Variants in SIPA1L2 observed in about 807,000 individuals in gnomAD.
SIPA1L2 encodes signal induced proliferation associated 1 like 2.
Under a neutral mutation model 163.9 loss-of-function variants are expected in SIPA1L2, and 56 were observed. The ratio of observed to expected loss-of-function variants is 0.34; its 90% confidence interval spans 0.28 to 0.43. The LOEUF is 0.43. Ranked by LOEUF, SIPA1L2 falls within the 20% of genes least tolerant of loss-of-function variation. SIPA1L2 has a pLI of 1.00. For synonymous variants in SIPA1L2, 877 were observed against 865.7 expected (o/e 1.01, Z -0.23); for missense variants, 1,974 against 2,193.5 (o/e 0.90, Z 2.00).
intron 3 of SIPA1L2, among the ~76,000 whole-genome samples, chr1:232,508,475 G>A (rs1405762184): frequency 6.6e-6 from 1 of 152,222 alleles, no homozygotes; most frequent in Non-Finnish European, 1.5e-5. Context: ...TGGCCCCACT[G>A]TTGGTGGCAG....
At chr1:232,439,524 C>A in intron 14 of SIPA1L2, 28 bp from the exon 15 acceptor site, 1 of 1,590,024 alleles carries the variant, frequency 6.3e-7, no homozygotes, top group South Asian at 1.1e-5. Flanking sequence ...ACAGAGAGTT[C>A]TCAAGTGAAT....
chr1:232,416,551 G>A (rs987377097), intron 18 of SIPA1L2, among the ~76,000 whole-genome samples: 2 of 152,180 alleles, frequency 1.3e-5, no homozygotes, highest in Non-Finnish European at 2.9e-5. Flanking sequence ...TTACGTTGCT[G>A]TAAGAAGTAT....
intron 5 of SIPA1L2, among the ~76,000 whole-genome samples, chr1:232,490,180 C>CCACCT (rs747929074): frequency 6.6e-6 from 1 of 152,106 alleles, no homozygotes; most frequent in Non-Finnish European, 1.5e-5. Flanking sequence ...CTACCCCACC[C>CCACCT]CACCTCACCA....
At chr1:232,490,666 A>AC in intron 5 of SIPA1L2, 1 of 496,458 alleles carries the variant, frequency 2.0e-6, no homozygotes, top group East Asian at 3.5e-5. Context: ...AACAAAAAAA[A>AC]ATCACAACTC....
intron 3 of SIPA1L2, among the ~76,000 whole-genome samples, chr1:232,496,811 C>T (rs749554054): frequency 1.3e-5 from 2 of 152,068 alleles, no homozygotes; most frequent in Non-Finnish European, 2.9e-5. Context: ...GCATCATAAG[C>T]CAAATGCATT....
Position 232,439,185 on chromosome 1 carries a change from G to A in SIPA1L2, c.3954C>T (p.Gly1318=). 6.2e-7 allele frequency: 1 copy of A among 1,613,730 alleles called. No homozygotes were observed. The highest frequency in any genetic ancestry group is 8.5e-7 in the Non-Finnish European group (1 of 1,180,038). The change falls in exon 15 of 23, where the codon GGC becomes GGT. Residue 1318 remains glycine (G), a synonymous_variant. Transcript: ENST00000674635. ...DEPAKLYSVH[G]YASTISAGSA... ...TGCCGGCGGAGATGGTGGACGCGTA[G>A]CCATGCACAGAATATAACTTGGCTG... is the stretch of plus-strand genomic sequence containing the variant.
rs369795301 is a variant in SIPA1L2, at chr1:232,464,875, C to A, written c.2785G>T (p.Ala929Ser). ...CVLLSSVDNC[A>S]EDIREIVQRL... ...TGAACAATTTCCCTGATGTCTTCAG[C>A]ACAGTTGTCTACCGAGGACAGGAGG... The change falls in exon 9 of 23, where the codon GCT becomes TCT. Residue 929 changes from alanine to serine, a missense_variant. Transcript: ENST00000674635. 9 of 1,612,504 alleles carry A rather than the reference C, an allele frequency of 5.6e-6. No individual in the cohort carries two copies. In the East Asian group the frequency reaches 1.1e-4, roughly 20 times the overall value.
intron 3 of SIPA1L2, among the ~76,000 whole-genome samples, chr1:232,496,306 G>A (rs1666187603): frequency 6.6e-6 from 1 of 152,186 alleles, no homozygotes; most frequent in Admixed American, 6.5e-5. Flanking sequence ...TTGTAGCCTA[G>A]GAGTAATATG....
intron 2 of SIPA1L2, among the ~76,000 whole-genome samples, chr1:232,555,063 A>T (rs1658620098): frequency 6.6e-6 from 1 of 152,222 alleles, no homozygotes; most frequent in African/African-American, 2.4e-5. Context: ...TTTTACTTTA[A>T]AATCAGTTAC....
intron 7 of SIPA1L2, among the ~76,000 whole-genome samples, chr1:232,475,980 C>T (rs541284629): frequency 1.3e-5 from 2 of 152,270 alleles, no homozygotes; most frequent in East Asian, 3.9e-4. Flanking sequence ...TAAAGCTACT[C>T]ATGGAAAGCT....
intron 19 of SIPA1L2, among the ~76,000 whole-genome samples, chr1:232,407,237 G>A (rs1178088618): frequency 6.6e-6 from 1 of 152,070 alleles, no homozygotes; most frequent in East Asian, 1.9e-4. Flanking sequence ...ATTTGACTTT[G>A]CATTTTTCAC....
chr1:232,629,113 A>G lies in SIPA1L2; in HGVS notation c.-319+756T>C, dbSNP rs527507769. Among the ~76,000 whole-genome samples, 5 of 152,378 alleles carry G rather than the reference A, an allele frequency of 3.3e-5. No homozygotes were observed. In the East Asian group the frequency reaches 9.6e-4, roughly 29 times the overall value. On this transcript the variant is annotated intron_variant, in intron 1 of 22. Coordinates refer to ENST00000674635, the MANE Select transcript of SIPA1L2 (RefSeq NM_020808.5). Reference sequence around the variant, plus strand: ...GAATTAATTTAACTCAAGCAGGTTAATGATGACAAATATCTCCCACAGGGG... The same window carrying G: ...GAATTAATTTAACTCAAGCAGGTTAGTGATGACAAATATCTCCCACAGGGG...
In SIPA1L2 at chr1:232,529,370, A is replaced by G. The variant is rs371204181; in HGVS notation, c.-269-13762T>C. On this transcript the variant is annotated intron_variant, in intron 2 of 22. Coordinates refer to ENST00000674635, the MANE Select transcript of SIPA1L2 (RefSeq NM_020808.5). ...TCAAAATACGTTGTGTTCCTTTACT[A>G]TGTAACGGTATACATTATATTCATC... Among the ~76,000 whole-genome samples the G allele has an allele frequency of 6.6e-5, 10 of 152,286 alleles. 1 individual carries two copies. Among genetic ancestry groups the G allele is most frequent in the African/African-American group, 2.4e-4 (10 of 41,558 alleles).
intron 2 of SIPA1L2, among the ~76,000 whole-genome samples, chr1:232,554,823 A>AT (rs1658604751): frequency 6.6e-6 from 1 of 152,152 alleles, no homozygotes; most frequent in African/African-American, 2.4e-5. Context: ...GGGTACAATT[A>AT]TTTTTTATCA....
intron 1 of SIPA1L2, among the ~76,000 whole-genome samples, chr1:232,600,523 G>A (rs895020756): frequency 3.3e-5 from 5 of 152,176 alleles, no homozygotes; most frequent in Non-Finnish European, 5.9e-5. Context: ...TAGGGTGACT[G>A]AGAATCAAAC....
chr1:232,442,357 G>A (rs1265660226), intron 12 of SIPA1L2, among the ~76,000 whole-genome samples: 1 of 151,872 alleles, frequency 6.6e-6, no homozygotes, highest in Non-Finnish European at 1.5e-5. Context: ...AGACCAGCCT[G>A]GCCAACATGG....
intron 10 of SIPA1L2, among the ~76,000 whole-genome samples, chr1:232,452,243 A>C (rs2102892744): frequency 6.6e-6 from 1 of 152,156 alleles, no homozygotes; most frequent in South Asian, 2.1e-4. Context: ...CCTAAAGCTA[A>C]GTTTCCTACC....
chr1:232,433,358 G>A (rs1662362765), intron 15 of SIPA1L2, among the ~76,000 whole-genome samples: 1 of 152,112 alleles, frequency 6.6e-6, no homozygotes, highest in African/African-American at 2.4e-5. Context: ...ATGTCATTCA[G>A]GAAAATGTAA....
In SIPA1L2 at chr1:232,515,000, G is replaced by C; in HGVS notation, c.340C>G (p.Leu114Val). 1 of 1,614,192 alleles carries C rather than the reference G, an allele frequency of 6.2e-7. No individual in the cohort carries two copies. The highest frequency in any genetic ancestry group is 8.5e-7 in the Non-Finnish European group (1 of 1,180,028). ...QTSYESITSV[L>V]QNGQSDQSEG... ...CTCTGGTCACTCTGCCCATTCTGCAGGACAGAAGTGATGCTTTCATAACTG... is the reference window on the plus strand; with the variant it reads ...CTCTGGTCACTCTGCCCATTCTGCACGACAGAAGTGATGCTTTCATAACTG... The change falls in exon 3 of 23, where the codon CTG (leucine) becomes GTG (valine). Residue 114 changes from leucine (L) to valine (V), a missense_variant. By Grantham distance (32) the Leu-to-Val change is conservative. This residue lies in a region of SIPA1L2 where 607 missense variants were observed against 624.0 expected (regional missense o/e 0.97). Transcript: ENST00000674635.
Sources: allele counts gnomAD v4.1 joint callset (sites outside exome capture counted in the v4.1 genomes callset), GRCh38; gene constraint gnomAD v4.1.1; regional missense constraint gnomAD v4.1.1; transcripts MANE v1.5; gene names NCBI Gene and HGNC (gene_info 2026-07-23, HGNC 2026-07-21).